TBC1D19: variants seen among roughly 807,000 people sequenced by gnomAD.
TBC1D19 encodes TBC1 domain family member 19.
Under a neutral mutation model 89.0 loss-of-function variants are expected in TBC1D19, and 60 were observed. The observed-to-expected ratio is 0.67, with a 90% confidence interval of 0.55 to 0.84. TBC1D19 has a LOEUF of 0.84. TBC1D19 is among the 40% of genes least tolerant of loss of function. TBC1D19 has a pLI of 0.00. For missense variants in TBC1D19, 500 were observed against 610.8 expected, an observed-to-expected ratio of 0.82 and a Z score of 1.91; for synonymous variants, 189 against 199.7, an observed-to-expected ratio of 0.95 and a Z score of 0.45.
intron 18 of TBC1D19, among the ~76,000 whole-genome samples, chr4:26,744,490 C>CT (rs1718538816): frequency 6.6e-6 from 1 of 151,480 alleles, no homozygotes; most frequent in African/African-American, 2.4e-5. Flanking sequence ...TTGGGACTTT[C>CT]TTTTTTTCTA....
At chr4:26,769,959 A>G in the TBC1D19 span, among the ~76,000 whole-genome samples, 1 of 152,136 alleles carries the variant, frequency 6.6e-6, no homozygotes, top group Admixed American at 6.6e-5. Context: ...ATAAAAGAAC[A>G]AAGAGTTACA....
chr4:26,662,997 G>A (rs1745309304), intron 8 of TBC1D19: 1 of 152,122 alleles, frequency 6.6e-6, no homozygotes, highest in South Asian at 2.1e-4. Flanking sequence ...CAGGACAAAG[G>A]CTGTACAACT....
At chr4:26,843,002 G>T in the TBC1D19 span, among the ~76,000 whole-genome samples, 1 of 152,160 alleles carries the variant, frequency 6.6e-6, no homozygotes, top group Non-Finnish European at 1.5e-5. Context: ...ATGATCTGTG[G>T]TTTTAAGAAT....
chr4:26,736,475 C>T (rs560868501), intron 16 of TBC1D19, among the ~76,000 whole-genome samples: 1 of 150,524 alleles, frequency 6.6e-6, no homozygotes, highest in African/African-American at 2.4e-5. Flanking sequence ...AGCGCACCAG[C>T]ATGGCACATG....
intron 11 of TBC1D19, among the ~76,000 whole-genome samples, chr4:26,680,645 A>G (rs1369558765): frequency 4.6e-5 from 7 of 152,186 alleles, no homozygotes; most frequent in African/African-American, 1.4e-4. Flanking sequence ...GTAGTCTGAC[A>G]TACACCCACC....
At chr4:26,762,558 A>G in the TBC1D19 span, among the ~76,000 whole-genome samples, 2 of 152,184 alleles carry the variant, frequency 1.3e-5, no homozygotes, top group African/African-American at 4.8e-5. Context: ...TCTTAAAGTA[A>G]TGGCGCCATC....
intron 10 of TBC1D19, 81 bp downstream of exon 10, chr4:26,672,268 G>A (rs188126516): frequency 1.8e-6 from 2 of 1,135,986 alleles, no homozygotes; most frequent in African/African-American, 3.4e-5. Context: ...TAACCTCCAG[G>A]TGAAATTTAA....
the TBC1D19 span, chr4:26,858,456 A>G: frequency 6.6e-6 from 1 of 152,346 alleles, no homozygotes; most frequent in African/African-American, 2.4e-5. Context: ...AAGGGAAAAC[A>G]AAAGCGTGGA....
intron 8 of TBC1D19, among the ~76,000 whole-genome samples, chr4:26,664,267 T>C (rs1307989891): frequency 6.6e-6 from 1 of 152,210 alleles, no homozygotes; most frequent in East Asian, 1.9e-4. Context: ...GAAGATGTCA[T>C]ACCTGGGGTG....
chr4:26,840,121 G>A, the TBC1D19 span, among the ~76,000 whole-genome samples: 33,010 of 150,572 alleles, frequency 0.22, 4,728 homozygotes, highest in Middle Eastern at 0.35. Context: ...ATACTCTGTC[G>A]CCCAGGCTGG....
At chr4:26,774,762 C>A in the TBC1D19 span, among the ~76,000 whole-genome samples, 21 of 152,276 alleles carry the variant, frequency 1.4e-4, no homozygotes, top group African/African-American at 5.1e-4. Flanking sequence ...TTTACTGCTT[C>A]CTTTCCCATA....
At chr4:26,731,229 A>T (rs1012729361) in intron 15 of TBC1D19, among the ~76,000 whole-genome samples, 1 of 152,144 alleles carries the variant, frequency 6.6e-6, no homozygotes, top group African/African-American at 2.4e-5. Context: ...TTCTAGGAAG[A>T]TTATTGTTTA....
intron 12 of TBC1D19, among the ~76,000 whole-genome samples, chr4:26,683,978 C>T (rs1349013560): frequency 1.3e-5 from 2 of 152,098 alleles, no homozygotes; most frequent in Non-Finnish European, 2.9e-5. Context: ...TCCTAGTCCT[C>T]CTATTTTTTG....
the TBC1D19 span, among the ~76,000 whole-genome samples, chr4:26,824,895 A>G: frequency 1.3e-5 from 2 of 152,216 alleles, no homozygotes; most frequent in Admixed American, 6.5e-5. Flanking sequence ...TAGAAGTACA[A>G]TTGCTGGGTA....
At chr4:26,831,364 G>A in the TBC1D19 span, among the ~76,000 whole-genome samples, 2 of 152,080 alleles carry the variant, frequency 1.3e-5, no homozygotes, top group African/African-American at 4.8e-5. Flanking sequence ...AATATTTTAA[G>A]CTTTGCAGGA....
chr4:26,616,174 G>A (rs1281713083), intron 3 of TBC1D19, among the ~76,000 whole-genome samples: 1 of 152,098 alleles, frequency 6.6e-6, no homozygotes, highest in African/African-American at 2.4e-5. Context: ...TTTCATTACC[G>A]ATAAAGACTA....
chr4:26,789,773 A>ACT, the TBC1D19 span, among the ~76,000 whole-genome samples: 1 of 152,214 alleles, frequency 6.6e-6, no homozygotes, highest in Non-Finnish European at 1.5e-5. Flanking sequence ...GCACCATAGG[A>ACT]AAGTCATGAG....
rs1336273878 is a variant in TBC1D19, at chr4:26,755,302, T to C, written c.*355T>C. ...AATAAACTTCAAGAGGTAATGTAGC[T>C]TCTTGGATAATTCTTTTATGTCAGT... On this transcript the variant is annotated 3_prime_UTR_variant, in exon 21 of 21. Transcript: ENST00000264866. The C allele has an allele frequency of 6.6e-6, 1 of 152,608 alleles. No homozygotes were observed. Among genetic ancestry groups the C allele is most frequent in the Non-Finnish European group, 1.5e-5 (1 of 68,148 alleles). 9.5% of individuals were successfully genotyped at this position (152,608 alleles called of 1,614,324 possible).
At chr4:26,803,563 G>A in the TBC1D19 span, among the ~76,000 whole-genome samples, 6 of 152,250 alleles carry the variant, frequency 3.9e-5, no homozygotes, top group African/African-American at 1.4e-4. Context: ...CAGAATGGAG[G>A]TGGCTGCCTC....
Sources: gnomAD v4.1 joint callset for allele counts (sites outside exome capture counted in the v4.1 genomes callset) on GRCh38, gnomAD v4.1.1 for gene constraint, MANE v1.5 for transcripts, NCBI Gene and HGNC (gene_info 2026-07-23, HGNC 2026-07-21) for gene names.